BBS9: variants seen among roughly 807,000 people sequenced by gnomAD.
BBS9 encodes protein PTHB1.
In BBS9, 89 loss-of-function variants were observed where a neutral mutation model predicts 117.7. That is an observed-to-expected ratio of 0.76 (90% CI 0.64 to 0.90). The LOEUF is 0.90. Among genes scored for constraint, BBS9 ranks in the 40% least tolerant of loss-of-function variants. The pLI is 0.00. For synonymous variants in BBS9, 379 were observed against 370.9 expected, an observed-to-expected ratio of 1.02 and a Z score of -0.25; for missense variants, 982 against 1,042.2, an observed-to-expected ratio of 0.94 and a Z score of 0.80.
At chr7:33,401,369 T>G (rs1452171129) in intron 19 of BBS9, among the ~76,000 whole-genome samples, 4 of 152,198 alleles carry the variant, frequency 2.6e-5, no homozygotes, top group African/African-American at 9.7e-5. Flanking sequence ...GTAGAATATT[T>G]GAAGAGATTT....
At chr7:33,472,150 A>G (rs1841130157) in intron 19 of BBS9, among the ~76,000 whole-genome samples, 2 of 152,204 alleles carry the variant, frequency 1.3e-5, no homozygotes, top group Admixed American at 6.5e-5. Flanking sequence ...TGATTGCTCA[A>G]GGATAAATAG....
intron 20 of BBS9, among the ~76,000 whole-genome samples, chr7:33,526,703 G>C (rs1174805451): frequency 1.4e-5 from 2 of 144,768 alleles, no homozygotes; most frequent in Non-Finnish European, 3.0e-5. Context: ...ATGTCCTCCC[G>C]TAGCTCAGAG....
chr7:33,328,279 A>G (rs982090756), intron 9 of BBS9, among the ~76,000 whole-genome samples: 14 of 152,240 alleles, frequency 9.2e-5, no homozygotes, highest in East Asian at 3.9e-4. Flanking sequence ...ACTGTGCTCT[A>G]TCTACTACAT....
chr7:33,420,517 G>A (rs965248167), intron 19 of BBS9, among the ~76,000 whole-genome samples: 6 of 152,048 alleles, frequency 3.9e-5, no homozygotes, highest in Non-Finnish European at 7.4e-5. Flanking sequence ...ACGAGGTTTG[G>A]GCAGGAATCC....
At chr7:33,161,891 A>G (rs1682781953) in intron 4 of BBS9, among the ~76,000 whole-genome samples, 1 of 151,970 alleles carries the variant, frequency 6.6e-6, no homozygotes, top group African/African-American at 2.4e-5. Context: ...GCATTTTTTC[A>G]TGTGTCTGTT....
intron 19 of BBS9, among the ~76,000 whole-genome samples, chr7:33,470,477 A>G (rs958746917): frequency 6.6e-6 from 1 of 151,874 alleles, no homozygotes; most frequent in African/African-American, 2.4e-5. Flanking sequence ...TCACTTTTTT[A>G]CCACCCCTAT....
At chr7:33,165,013 AGGCAGGTCTGGT>A (rs1272013787) in intron 4 of BBS9, among the ~76,000 whole-genome samples, 1 of 151,942 alleles carries the variant, frequency 6.6e-6, no homozygotes, top group Non-Finnish European at 1.5e-5. Context: ...AGCTCTTGTA[AGGCAGGTCTGGT>A]GGTGACGAAA....
At chr7:33,184,277 CA>C (rs2128178218) in intron 5 of BBS9, among the ~76,000 whole-genome samples, 1 of 152,292 alleles carries the variant, frequency 6.6e-6, no homozygotes, top group South Asian at 2.1e-4. Context: ...TCTTTTCCAG[CA>C]GTCCCATCAG....
chr7:33,270,675 A>T (rs1799642471), intron 7 of BBS9, among the ~76,000 whole-genome samples: 1 of 152,248 alleles, frequency 6.6e-6, no homozygotes, highest in Non-Finnish European at 1.5e-5. Context: ...AAAAAAGATA[A>T]GAAATGAACA....
chr7:33,219,992 G>A (rs936640917), intron 5 of BBS9, among the ~76,000 whole-genome samples: 5 of 152,160 alleles, frequency 3.3e-5, no homozygotes, highest in East Asian at 3.9e-4. Context: ...AAGAAACTCC[G>A]AACACATCTG....
chr7:33,161,828 T>C (rs1442578206), intron 4 of BBS9, among the ~76,000 whole-genome samples: 1 of 152,202 alleles, frequency 6.6e-6, no homozygotes, highest in Non-Finnish European at 1.5e-5. Flanking sequence ...TGATGTGAGA[T>C]GGTATCTCAT....
chr7:33,488,133 G>A (rs1843368672), intron 19 of BBS9, among the ~76,000 whole-genome samples: 1 of 152,116 alleles, frequency 6.6e-6, no homozygotes, highest in South Asian at 2.1e-4. Context: ...CTGTATTCAT[G>A]CTTCCTCATA....
At chr7:33,366,488 A>G (rs575995912) in intron 16 of BBS9, among the ~76,000 whole-genome samples, 12 of 149,594 alleles carry the variant, frequency 8.0e-5, no homozygotes, top group African/African-American at 2.5e-4. Context: ...CATCTTGGTG[A>G]CATCCTTTAC....
chr7:33,473,887 G>T (rs546066866), intron 19 of BBS9, among the ~76,000 whole-genome samples: 26 of 152,060 alleles, frequency 1.7e-4, no homozygotes, highest in Non-Finnish European at 2.9e-4. Context: ...TTATTTTTTT[G>T]TCTCTAGAAC....
At chr7:33,293,790 A>T (rs1392447640) in intron 9 of BBS9, among the ~76,000 whole-genome samples, 1 of 152,194 alleles carries the variant, frequency 6.6e-6, no homozygotes, top group African/African-American at 2.4e-5. Flanking sequence ...ATTATTAATG[A>T]GTAATATGCT....
At chr7:33,506,473 A>T (rs1474990190) in intron 20 of BBS9, among the ~76,000 whole-genome samples, 1 of 152,202 alleles carries the variant, frequency 6.6e-6, no homozygotes, top group Non-Finnish European at 1.5e-5. Context: ...GTTATTAGGT[A>T]CCAGGTGTTA....
chr7:33,578,942 A>G (rs1585338524), intron 21 of BBS9, among the ~76,000 whole-genome samples: 1 of 152,212 alleles, frequency 6.6e-6, no homozygotes, highest in South Asian at 2.1e-4. Flanking sequence ...GGAAATATGC[A>G]TTAAAAGTAC....
chr7:33,319,457 T>C (rs1811228426), intron 9 of BBS9, among the ~76,000 whole-genome samples: 1 of 152,224 alleles, frequency 6.6e-6, no homozygotes, highest in Non-Finnish European at 1.5e-5. Flanking sequence ...TTAAGTTCTT[T>C]AAGGAATCTC....
intron 12 of BBS9, among the ~76,000 whole-genome samples, chr7:33,345,181 T>C (rs375313721): frequency 7.2e-5 from 11 of 152,256 alleles, no homozygotes; most frequent in South Asian, 2.1e-4. Context: ...AACAAATTGA[T>C]AGTCTGGAAA....
Sources: gnomAD v4.1 joint callset for allele counts (sites outside exome capture counted in the v4.1 genomes callset) on GRCh38, gnomAD v4.1.1 for gene constraint, MANE v1.5 for transcripts, NCBI Gene and HGNC (gene_info 2026-07-23, HGNC 2026-07-21) for gene names.